Variants in USP25 observed in about 807,000 individuals in gnomAD.
The protein encoded by USP25 is ubiquitin carboxyl-terminal hydrolase 25.
Under a neutral mutation model 158.5 loss-of-function variants are expected in USP25, and 85 were observed. That is an observed-to-expected ratio of 0.54 (90% CI 0.45 to 0.64). USP25 has a LOEUF of 0.64. Among genes scored for constraint, USP25 ranks in the 30% least tolerant of loss-of-function variants. USP25 has a pLI of 0.00. For synonymous variants in USP25, 464 were observed against 460.4 expected (o/e 1.01, Z -0.10); for missense variants, 1,242 against 1,327.3 (o/e 0.94, Z 1.00).
intron 3 of USP25, among the ~76,000 whole-genome samples, chr21:15,769,585 G>T (rs916170479): frequency 6.6e-6 from 1 of 152,068 alleles, no homozygotes; most frequent in African/African-American, 2.4e-5. Context: ...AAATGAAAAT[G>T]AGACCAGGAC....
chr21:15,852,171 G>A (rs1284431383), intron 20 of USP25, among the ~76,000 whole-genome samples: 5 of 152,032 alleles, frequency 3.3e-5, no homozygotes, highest in African/African-American at 1.2e-4. Flanking sequence ...AGGAAACTGT[G>A]CTCTTTGTCA....
chr21:15,813,397 A>G (rs1395247062), intron 9 of USP25, among the ~76,000 whole-genome samples: 1 of 152,218 alleles, frequency 6.6e-6, no homozygotes, highest in East Asian at 1.9e-4. Context: ...GTAGTTTTGT[A>G]TCATATTCTA....
chr21:15,750,214 G>A (rs199528739), intron 1 of USP25, among the ~76,000 whole-genome samples: 9 of 65,634 alleles, frequency 1.4e-4, no homozygotes, highest in South Asian at 7.5e-4. Context: ...GTGTGTGTAT[G>A]TTTTTTTTTT....
chr21:15,737,437 C>A (rs967106253), intron 1 of USP25, among the ~76,000 whole-genome samples: 47 of 152,162 alleles, frequency 3.1e-4, no homozygotes, highest in African/African-American at 1.1e-3. Context: ...CACACACGAA[C>A]CCCCTATTTA....
chr21:15,787,855 A>G (rs1461005434), intron 4 of USP25, among the ~76,000 whole-genome samples: 1 of 151,194 alleles, frequency 6.6e-6, no homozygotes, highest in Non-Finnish European at 1.5e-5. Flanking sequence ...TATTACTGCT[A>G]TAGGCAATTT....
chr21:15,865,652 T>G (rs923206051), intron 21 of USP25, among the ~76,000 whole-genome samples: 19 of 152,292 alleles, frequency 1.2e-4, no homozygotes, highest in South Asian at 2.1e-4. Flanking sequence ...TCTATGCTGT[T>G]TAATTTGGAG....
chr21:15,832,575 A>G (rs2037856638), intron 16 of USP25, among the ~76,000 whole-genome samples: 1 of 152,158 alleles, frequency 6.6e-6, no homozygotes. Flanking sequence ...TCATATGACA[A>G]ACAATTTTCA....
chr21:15,825,612 G>A (rs189847313), intron 12 of USP25, among the ~76,000 whole-genome samples: 2 of 152,200 alleles, frequency 1.3e-5, no homozygotes, highest in Non-Finnish European at 1.5e-5. Context: ...TCTAAAAGAC[G>A]TCAGAATCTG....
intron 4 of USP25, among the ~76,000 whole-genome samples, chr21:15,784,093 G>A (rs1033765562): frequency 2.0e-5 from 3 of 152,078 alleles, no homozygotes; most frequent in South Asian, 4.2e-4. Flanking sequence ...ATGAAAGAAT[G>A]ATTAATACCA....
chr21:15,850,977 A>T (rs1240959403), intron 20 of USP25, among the ~76,000 whole-genome samples: 1 of 151,986 alleles, frequency 6.6e-6, no homozygotes. Context: ...ATCTACTTCT[A>T]AAAAAAGAAG....
chr21:15,870,240 A>G, intron 23 of USP25, 93 bp downstream of exon 23: 2 of 785,554 alleles, frequency 2.5e-6, no homozygotes, highest in Non-Finnish European at 4.0e-6. Flanking sequence ...TTTTATTCAT[A>G]CTCTGTATTT....
intron 4 of USP25, among the ~76,000 whole-genome samples, chr21:15,780,969 A>G (rs1440205876): frequency 1.3e-5 from 2 of 152,226 alleles, no homozygotes; most frequent in Non-Finnish European, 2.9e-5. Flanking sequence ...AAACCATTTA[A>G]GGTGTGTTAT....
intron 1 of USP25, among the ~76,000 whole-genome samples, chr21:15,734,183 C>T (rs2031256202): frequency 1.3e-5 from 2 of 152,264 alleles, no homozygotes; most frequent in East Asian, 1.9e-4. Context: ...CACTGAATTC[C>T]TCCAAAGATG....
chr21:15,801,261 T>G (rs1160800586), intron 6 of USP25, among the ~76,000 whole-genome samples: 1 of 151,552 alleles, frequency 6.6e-6, no homozygotes, highest in Non-Finnish European at 1.5e-5. Flanking sequence ...GCCATGTTAG[T>G]TTGTATTCTT....
intron 4 of USP25, among the ~76,000 whole-genome samples, chr21:15,783,757 A>T (rs1366899319): frequency 6.6e-6 from 1 of 151,520 alleles, no homozygotes; most frequent in Non-Finnish European, 1.5e-5. Context: ...GGAGATCGAG[A>T]CCATCTTGGT....
chr21:15,857,916 C>A (rs2039235479), intron 20 of USP25, among the ~76,000 whole-genome samples: 1 of 152,012 alleles, frequency 6.6e-6, no homozygotes, highest in Non-Finnish European at 1.5e-5. Context: ...CTAATGCCTC[C>A]TTTTCACGCT....
rs1446971753 is a variant in USP25, at chr21:15,860,967, T to G, written c.2548-3301T>G. On this transcript the variant is annotated intron_variant, in intron 20 of 25. Coordinates refer to ENST00000400183, the MANE Select transcript of USP25 (RefSeq NM_001283041.3). Reference sequence around the variant, plus strand: ...TTTGGTATCTTCATATATATATATATATATATATAGAGAGAGAGAGAGAGA... The same window carrying G: ...TTTGGTATCTTCATATATATATATAGATATATATAGAGAGAGAGAGAGAGA... 1.9e-3 allele frequency among the ~76,000 whole-genome samples: 265 copies of G among 141,280 alleles called. 1 individual carries two copies. Among genetic ancestry groups the G allele is most frequent in the African/African-American group, 6.0e-3 (236 of 39,028 alleles). 92.7% of individuals were successfully genotyped at this position (141,280 alleles called of 152,430 possible).
At chr21:15,828,928 T>C (rs2037662425) in intron 14 of USP25, among the ~76,000 whole-genome samples, 2 of 152,196 alleles carry the variant, frequency 1.3e-5, no homozygotes, top group African/African-American at 4.8e-5. Flanking sequence ...TGAGCCACCA[T>C]GCCTGGCTGT....
chr21:15,730,757 C>T (rs2030747634), intron 1 of USP25, among the ~76,000 whole-genome samples: 2 of 152,176 alleles, frequency 1.3e-5, no homozygotes, highest in South Asian at 4.1e-4. Flanking sequence ...TATTCTCTCC[C>T]CTTAAATGAG....
Sources: allele counts gnomAD v4.1 joint callset (sites outside exome capture counted in the v4.1 genomes callset), GRCh38; gene constraint gnomAD v4.1.1; transcripts MANE v1.5; gene names NCBI Gene and HGNC (gene_info 2026-07-23, HGNC 2026-07-21).